Variants in ROBO1 observed in about 807,000 individuals in gnomAD.
The protein encoded by ROBO1 is roundabout homolog 1.
A neutral mutation model predicts 195.9 loss-of-function variants in ROBO1; 149 were observed. That is an observed-to-expected ratio of 0.76 (90% confidence interval 0.67 to 0.87). ROBO1 has a LOEUF of 0.87. Among genes scored for constraint, ROBO1 ranks in the 40% least tolerant of loss-of-function variants. ROBO1 has a pLI of 0.00. For synonymous variants in ROBO1, 816 were observed against 733.2 expected, an observed-to-expected ratio of 1.11 and a Z score of -1.82; for missense variants, 1,933 against 2,068.3, an observed-to-expected ratio of 0.93 and a Z score of 1.27.
intron 2 of ROBO1, among the ~76,000 whole-genome samples, chr3:79,536,587 G>T (rs991379925): frequency 1.3e-5 from 2 of 152,204 alleles, no homozygotes; most frequent in East Asian, 3.9e-4. Context: ...CAAAGCATTT[G>T]TTGTAAAATA....
intron 4 of ROBO1, among the ~76,000 whole-genome samples, chr3:78,830,066 AATC>A (rs1490198497): frequency 6.6e-6 from 1 of 152,152 alleles, no homozygotes; most frequent in Admixed American, 6.5e-5. Context: ...GGATTTGTAT[AATC>A]ATCATCCAAT....
chr3:78,649,871 AAG>A (rs1344879169), intron 19 of ROBO1, among the ~76,000 whole-genome samples: 4 of 152,180 alleles, frequency 2.6e-5, no homozygotes, highest in Non-Finnish European at 4.4e-5. Context: ...AGTAAAGAAA[AAG>A]AAACATTTCA....
chr3:78,917,402 C>G (rs79479085), intron 4 of ROBO1, among the ~76,000 whole-genome samples: 3,098 of 152,084 alleles, frequency 0.02, 72 homozygotes, highest in Middle Eastern at 0.13. Context: ...ATTTTATTAA[C>G]AGGGACATCA....
At chr3:79,624,676 CA>C (rs1945114000) in intron 1 of ROBO1, among the ~76,000 whole-genome samples, 1 of 152,046 alleles carries the variant, frequency 6.6e-6, no homozygotes, top group Non-Finnish European at 1.5e-5. Context: ...GCACCCAATA[CA>C]GGACCACCCA....
At chr3:79,088,183 A>G (rs1244527426) in intron 3 of ROBO1, among the ~76,000 whole-genome samples, 5 of 149,552 alleles carry the variant, frequency 3.3e-5, no homozygotes, top group Non-Finnish European at 7.6e-5. Flanking sequence ...CTGTCACTAT[A>G]ATATCTGCTA....
rs536287299 is a variant in ROBO1 at position 78,792,461 on chromosome 3, T to C, written c.500-45561A>G. ...ATTGGGTAACAAGCAATTTCACAAGTAATTATGCAGTCAGGGGTTGAGTGC... is the reference window on the plus strand; with the variant it reads ...ATTGGGTAACAAGCAATTTCACAAGCAATTATGCAGTCAGGGGTTGAGTGC... On this transcript the variant is annotated intron_variant, in intron 4 of 30. Transcript: ENST00000464233. Among the ~76,000 whole-genome samples the C allele has an allele frequency of 2.6e-5, 4 of 152,304 alleles. No homozygotes were observed. The East Asian group carries it at 7.7e-4, about 29-fold the overall frequency.
intron 2 of ROBO1, among the ~76,000 whole-genome samples, chr3:79,182,855 G>A (rs1014611830): frequency 4.6e-5 from 7 of 151,932 alleles, no homozygotes; most frequent in Admixed American, 6.6e-5. Context: ...TGAGGCAGGC[G>A]GATCACGAGG....
intron 1 of ROBO1, among the ~76,000 whole-genome samples, chr3:79,613,706 A>T (rs1308844644): frequency 1.3e-5 from 2 of 152,096 alleles, no homozygotes; most frequent in African/African-American, 2.4e-5. Context: ...TGAAAGTCCC[A>T]GAGAGGGAAT....
chr3:79,264,029 C>G (rs2082988725), intron 2 of ROBO1, among the ~76,000 whole-genome samples: 1 of 152,054 alleles, frequency 6.6e-6, no homozygotes, highest in South Asian at 2.1e-4. Context: ...CAGACAACAA[C>G]TAAACACTTA....
At position 78,661,131 on chromosome 3, in the gene ROBO1, T is replaced by C; in HGVS notation, c.2219A>G (p.Asp740Gly). Reference sequence around the variant, plus strand: ...TTCATAGTTGACTCCCTTTCTGAGATCAGGGATTACCACACTGTTTTTGGC... The same window carrying C: ...TTCATAGTTGACTCCCTTTCTGAGACCAGGGATTACCACACTGTTTTTGGC... ...TPAKNSVVIP[D>G]LRKGVNYEIK... Residue 740 changes from aspartate to glycine, a missense_variant, in exon 16 of 31, where the codon GAT becomes GGT. Around this residue, in one of 3 missense-constraint regions of ROBO1, gnomAD observed 1,737 missense variants for 1,882.5 expected, o/e 0.92. Transcript: ENST00000464233. The C allele has an allele frequency of 6.2e-7, 1 of 1,613,790 alleles. No individual in the cohort carries two copies. The highest frequency in any genetic ancestry group is 8.5e-7 in the Non-Finnish European group (1 of 1,179,816).
chr3:78,773,207 G>A (rs1266112784), intron 4 of ROBO1, among the ~76,000 whole-genome samples: 1 of 151,846 alleles, frequency 6.6e-6, no homozygotes, highest in Admixed American at 6.6e-5. Flanking sequence ...CATTTTATTG[G>A]AGAGAAAACA....
intron 2 of ROBO1, among the ~76,000 whole-genome samples, chr3:79,208,017 T>C (rs190893707): frequency 1.3e-5 from 2 of 152,310 alleles, no homozygotes; most frequent in East Asian, 3.9e-4. Flanking sequence ...AAGTTTTATT[T>C]GTAAAAAATT....
chr3:79,414,120 C>A (rs942170032), intron 2 of ROBO1, among the ~76,000 whole-genome samples: 1 of 152,006 alleles, frequency 6.6e-6, no homozygotes, highest in African/African-American at 2.4e-5. Context: ...CAGGAGTTAT[C>A]ATTAACTTTT....
intron 5 of ROBO1, among the ~76,000 whole-genome samples, chr3:78,734,136 T>C (rs1010561882): frequency 3.1e-4 from 47 of 152,140 alleles, no homozygotes; most frequent in African/African-American, 1.1e-3. Flanking sequence ...GGATGCTAAC[T>C]AGCAGCATGC....
intron 4 of ROBO1, among the ~76,000 whole-genome samples, chr3:78,787,778 C>T (rs1367546960): frequency 5.9e-5 from 9 of 151,890 alleles, no homozygotes; most frequent in Admixed American, 3.3e-4. Flanking sequence ...AATGAGACCC[C>T]GTCTCTCCAA....
chr3:78,911,374 G>A (rs1305029097), intron 4 of ROBO1, among the ~76,000 whole-genome samples: 2 of 152,006 alleles, frequency 1.3e-5, no homozygotes, highest in Admixed American at 1.3e-4. Flanking sequence ...TTATTAAAAT[G>A]AATTTGAGTG....
At chr3:79,371,977 T>C (rs977705097) in intron 2 of ROBO1, among the ~76,000 whole-genome samples, 11 of 152,238 alleles carry the variant, frequency 7.2e-5, no homozygotes, top group Admixed American at 6.5e-4. Flanking sequence ...TAGATTCTCA[T>C]AGGGAGCAGG....
intron 1 of ROBO1, among the ~76,000 whole-genome samples, chr3:79,615,063 TA>T (rs1210784670): frequency 6.6e-6 from 1 of 152,094 alleles, no homozygotes; most frequent in Non-Finnish European, 1.5e-5. Context: ...GTATAGGCCA[TA>T]ATGGGAACAA....
In ROBO1 at chr3:79,592,146, G is replaced by C. The variant is rs553075456; in HGVS notation, c.-50-2185C>G. On this transcript the variant is annotated intron_variant, in intron 1 of 30. Coordinates refer to ENST00000464233, the MANE Select transcript of ROBO1 (RefSeq NM_002941.4). ...ACATTTTAATTGTCATTTATTAATA[G>C]CCATATATAGCTTATTTGTAGCAGG... 1.3e-4 allele frequency among the ~76,000 whole-genome samples: 19 copies of C among 151,806 alleles called. No homozygotes were observed. The South Asian group carries it at 3.5e-3, about 28-fold the overall frequency.
Sources: gnomAD v4.1 joint callset for allele counts (sites outside exome capture counted in the v4.1 genomes callset) on GRCh38, gnomAD v4.1.1 for gene constraint, gnomAD v4.1.1 regional missense constraint, MANE v1.5 for transcripts, NCBI Gene and HGNC (gene_info 2026-07-23, HGNC 2026-07-21) for gene names.